MTFR1: variants seen among roughly 807,000 people sequenced by gnomAD.
MTFR1 encodes the protein chondrocyte protein with a poly-proline region.
A neutral mutation model predicts 38.8 loss-of-function variants in MTFR1; 28 were observed. That is an observed-to-expected ratio of 0.72 (90% CI 0.53 to 0.99). The LOEUF (loss-of-function observed/expected upper bound fraction) is 0.99, where lower values mean the gene tolerates loss of function less well. Ranked by LOEUF, MTFR1 falls within the 50% of genes least tolerant of loss-of-function variation. The pLI is 0.00. For synonymous variants in MTFR1, 145 were observed against 137.0 expected (o/e 1.06, Z -0.41); for missense variants, 358 against 395.5 (o/e 0.91, Z 0.81).
At chr8:65,730,233 A>T (rs1806817137) in intron 3 of MTFR1, among the ~76,000 whole-genome samples, 1 of 123,364 alleles carries the variant, frequency 8.1e-6, no homozygotes. Flanking sequence ...CAGGCTGCAG[A>T]GTAATGGCGC....
chr8:65,749,358 CAAAT>C (rs1807828550), intron 3 of MTFR1, among the ~76,000 whole-genome samples: 1 of 152,136 alleles, frequency 6.6e-6, no homozygotes, highest in African/African-American at 2.4e-5. Context: ...CCCATACACA[CAAAT>C]AAACAGAAGT....
chr8:65,646,092 C>T (rs1433916043), intron 1 of MTFR1, among the ~76,000 whole-genome samples: 1 of 152,098 alleles, frequency 6.6e-6, no homozygotes, highest in Non-Finnish European at 1.5e-5. Context: ...GACAGTAGTG[C>T]TCTTGCTTTT....
intron 1 of MTFR1, among the ~76,000 whole-genome samples, chr8:65,647,618 G>A (rs967942105): frequency 6.6e-6 from 1 of 152,108 alleles, no homozygotes; most frequent in Non-Finnish European, 1.5e-5. Context: ...CCTATAGTAC[G>A]TTTTGAAGTG....
At chr8:65,668,298 C>T (rs1804453885) in intron 1 of MTFR1, among the ~76,000 whole-genome samples, 2 of 150,994 alleles carry the variant, frequency 1.3e-5, no homozygotes, top group South Asian at 4.2e-4. Context: ...CTGCCTCAGC[C>T]TCCTGAGTAG....
At chr8:65,697,814 G>A (rs1015477534) in intron 4 of MTFR1, among the ~76,000 whole-genome samples, 1 of 152,106 alleles carries the variant, frequency 6.6e-6, no homozygotes, top group African/African-American at 2.4e-5. Flanking sequence ...TATGCCATAT[G>A]TGTATTCTTT....
At chr8:65,777,897 G>T in the MTFR1 span, among the ~76,000 whole-genome samples, 4 of 152,064 alleles carry the variant, frequency 2.6e-5, no homozygotes, top group African/African-American at 9.7e-5. Context: ...ATGTTACTCT[G>T]CTTGAGATTT....
chr8:65,687,147 A>T (rs1805109715), intron 3 of MTFR1, among the ~76,000 whole-genome samples: 1 of 152,174 alleles, frequency 6.6e-6, no homozygotes, highest in African/African-American at 2.4e-5. Context: ...TTCACTTAAA[A>T]TAGTGACCAT....
chr8:65,747,569 T>C, intron 3 of MTFR1: 1 of 812,952 alleles, frequency 1.2e-6, no homozygotes, highest in Middle Eastern at 3.4e-4. Flanking sequence ...AAAAAGACTC[T>C]ATAAATCATT....
chr8:65,743,832 T>C (rs931151307), intron 3 of MTFR1, among the ~76,000 whole-genome samples: 1 of 150,870 alleles, frequency 6.6e-6, no homozygotes, highest in Non-Finnish European at 1.5e-5. Context: ...AAACATTAGC[T>C]GAATTGCTTT....
chr8:65,740,591 A>G (rs943602195), intron 3 of MTFR1, among the ~76,000 whole-genome samples: 1 of 152,048 alleles, frequency 6.6e-6, no homozygotes, highest in Non-Finnish European at 1.5e-5. Context: ...TAGTAGAGAC[A>G]GGGTTTCACT....
intron 5 of MTFR1, among the ~76,000 whole-genome samples, chr8:65,706,262 A>AT (rs1228342501): frequency 6.6e-6 from 1 of 152,218 alleles, no homozygotes; most frequent in Non-Finnish European, 1.5e-5. Context: ...GTGCTACCAT[A>AT]AATAGATAAT....
At chr8:65,682,475 G>A (rs1463474453) in intron 3 of MTFR1, 24 bp downstream of exon 3, 3 of 1,184,820 alleles carry the variant, frequency 2.5e-6, no homozygotes, top group African/African-American at 1.6e-5. Flanking sequence ...TATATTTTAA[G>A]TATTTTATTA....
At chr8:65,768,509 C>T (rs964133643) in intron 3 of MTFR1, among the ~76,000 whole-genome samples, 4 of 152,114 alleles carry the variant, frequency 2.6e-5, no homozygotes, top group Non-Finnish European at 5.9e-5. Flanking sequence ...CACCTTCGGC[C>T]GTAATTGTGA....
At chr8:65,697,762 C>T (rs932389565) in intron 4 of MTFR1, among the ~76,000 whole-genome samples, 3 of 152,198 alleles carry the variant, frequency 2.0e-5, no homozygotes, top group African/African-American at 7.2e-5. Context: ...TTCAGTTTCT[C>T]TGCGTTATTT....
chr8:65,646,446 G>GA (rs552111165), intron 1 of MTFR1, among the ~76,000 whole-genome samples: 18 of 146,878 alleles, frequency 1.2e-4, no homozygotes, highest in South Asian at 6.5e-4. Flanking sequence ...ATCAGTAATG[G>GA]AAAAAAAAAA....
chr8:65,736,011 A>G (rs1406633402), intron 3 of MTFR1, among the ~76,000 whole-genome samples: 1 of 152,190 alleles, frequency 6.6e-6, no homozygotes, highest in Non-Finnish European at 1.5e-5. Flanking sequence ...TGGATGCCTG[A>G]AACCACAGAT....
At position 65,739,569 on chromosome 8, in the gene MTFR1, A is replaced by G. The variant is rs1807313141; in HGVS notation, c.*48+20088A>G. 8.3e-6 allele frequency: 13 copies of G among 1,557,582 alleles called. No homozygotes were observed. In the East Asian group the frequency reaches 3.1e-4, roughly 37 times the overall value. On this transcript the variant is annotated intron_variant, in intron 3 of 3. Transcript: ENST00000521247. ...CAATTAATCCATGAAGACTAAATAA[A>G]TGAAAGGTTAAGCTTACTAGACTAT...
intron 1 of MTFR1, among the ~76,000 whole-genome samples, chr8:65,647,695 T>C (rs1211284036): frequency 6.6e-6 from 1 of 152,146 alleles, no homozygotes; most frequent in African/African-American, 2.4e-5. Flanking sequence ...GGTGATGAGT[T>C]TTTACTGTAT....
At chr8:65,653,123 T>C (rs78449598) in intron 1 of MTFR1, among the ~76,000 whole-genome samples, 2,474 of 152,324 alleles carry the variant, frequency 0.016, 77 homozygotes, top group African/African-American at 0.055. Context: ...CAATGTATAG[T>C]TAAGTACTTT....
Sources: allele counts gnomAD v4.1 joint callset (sites outside exome capture counted in the v4.1 genomes callset), GRCh38; gene constraint gnomAD v4.1.1; transcripts MANE v1.5; gene names NCBI Gene and HGNC (gene_info 2026-07-23, HGNC 2026-07-21).